The following RANBP2 variants were observed in gnomAD, a reference collection of about 807,000 sequenced individuals.
RANBP2 encodes RAN binding protein 2, also known as E3 SUMO-protein ligase RanBP2.
A neutral mutation model predicts 303.6 loss-of-function variants in RANBP2; 57 were observed. The observed-to-expected ratio is 0.19, with a 90% CI of 0.15 to 0.23. RANBP2 has a LOEUF of 0.23. RANBP2 is among the 10% of genes least tolerant of loss of function. The probability of loss-of-function intolerance (pLI) is 1.00; values close to 1 mark genes in which losing one functional copy is unlikely to be tolerated. For missense variants in RANBP2, 3,138 were observed against 3,780.8 expected (o/e 0.83, Z 4.46); for synonymous variants, 1,167 against 1,301.5 (o/e 0.90, Z 2.23).
At chr2:108,756,130 G>A (rs1676299891) in intron 17 of RANBP2, among the ~76,000 whole-genome samples, 1 of 152,118 alleles carries the variant, frequency 6.6e-6, no homozygotes, top group South Asian at 2.1e-4. Flanking sequence ...AAGAGTTCGT[G>A]GCACAGAGAA....
At chr2:109,030,622 C>T in the RANBP2 span, among the ~76,000 whole-genome samples, 1 of 152,168 alleles carries the variant, frequency 6.6e-6, no homozygotes, top group Non-Finnish European at 1.5e-5. Flanking sequence ...GCAGAAGGCT[C>T]CTTCTAGAAT....
chr2:109,024,281 A>G, the RANBP2 span, among the ~76,000 whole-genome samples: 1 of 152,220 alleles, frequency 6.6e-6, no homozygotes, highest in African/African-American at 2.4e-5. Context: ...GATAAGCTAG[A>G]TGTTATCATG....
the RANBP2 span, among the ~76,000 whole-genome samples, chr2:108,830,404 A>G: frequency 1.3e-5 from 2 of 152,250 alleles, no homozygotes; most frequent in Admixed American, 6.5e-5. Context: ...ATATTTTACC[A>G]TAATAAAGAT....
At chr2:108,924,588 C>T in the RANBP2 span, among the ~76,000 whole-genome samples, 8 of 152,290 alleles carry the variant, frequency 5.3e-5, no homozygotes, top group East Asian at 7.7e-4. Context: ...CCCCTGCTGA[C>T]GGTAGTGCTA....
At chr2:109,356,993 G>T in the RANBP2 span, among the ~76,000 whole-genome samples, 3 of 152,122 alleles carry the variant, frequency 2.0e-5, no homozygotes, top group Non-Finnish European at 4.4e-5. Flanking sequence ...AGACATGCTA[G>T]CACTGAATGC....
the RANBP2 span, among the ~76,000 whole-genome samples, chr2:109,094,202 C>T: frequency 6.6e-6 from 1 of 152,106 alleles, no homozygotes; most frequent in Non-Finnish European, 1.5e-5. Flanking sequence ...ATGAGACTAT[C>T]ATGGGGGATG....
chr2:108,781,025 A>T (rs772149106), intron 25 of RANBP2, among the ~76,000 whole-genome samples: 1 of 151,808 alleles, frequency 6.6e-6, no homozygotes, highest in Non-Finnish European at 1.5e-5. Context: ...TTGTATTATT[A>T]GTAGAGATGG....
the RANBP2 span, among the ~76,000 whole-genome samples, chr2:108,981,891 C>T: frequency 5.7e-4 from 87 of 152,180 alleles, 8 homozygotes; most frequent in Non-Finnish European, 4.4e-5. Flanking sequence ...AAGACGGAAA[C>T]GCTAAGGAAG....
chr2:108,906,576 G>A, the RANBP2 span, among the ~76,000 whole-genome samples: 1 of 152,200 alleles, frequency 6.6e-6, no homozygotes, highest in Middle Eastern at 3.2e-3. Context: ...GGTCTACCAC[G>A]GGTGCGTCTT....
the RANBP2 span, among the ~76,000 whole-genome samples, chr2:109,123,315 TTTCTTTCC>T: frequency 1.5e-3 from 216 of 140,524 alleles, no homozygotes; most frequent in Admixed American, 4.4e-3. Flanking sequence ...GTGGCTTTTC[TTTCTTTCC>T]TTCCTTCCTT....
At chr2:109,329,293 C>T in the RANBP2 span, among the ~76,000 whole-genome samples, 146 of 152,252 alleles carry the variant, frequency 9.6e-4, 1 homozygote, top group African/African-American at 3.3e-3. Context: ...GAGAAACATC[C>T]TGGAGATGTG....
At chr2:108,997,440 C>CAA in the RANBP2 span, among the ~76,000 whole-genome samples, 41 of 49,940 alleles carry the variant, frequency 8.2e-4, 10 homozygotes, top group African/African-American at 2.4e-3. Flanking sequence ...GACTCTGTCT[C>CAA]AAAAAAAAAA....
chr2:109,510,283 T>G, the RANBP2 span, among the ~76,000 whole-genome samples: 3 of 152,092 alleles, frequency 2.0e-5, no homozygotes, highest in African/African-American at 4.8e-5. Context: ...AAGGGGTGTT[T>G]AGATGCAAAC....
the RANBP2 span, among the ~76,000 whole-genome samples, chr2:109,079,121 A>AT: frequency 6.6e-6 from 1 of 151,852 alleles, no homozygotes; most frequent in Non-Finnish European, 1.5e-5. Flanking sequence ...TTATATGGGG[A>AT]TTTTCTTCTG....
chr2:109,339,815 A>C, the RANBP2 span, among the ~76,000 whole-genome samples: 1 of 152,122 alleles, frequency 6.6e-6, no homozygotes, highest in Admixed American at 6.5e-5. Flanking sequence ...GATAAATGTA[A>C]ACAGATCTGG....
At chr2:109,452,870 GGTGCCAGGAGGCTGGTCCCA>G in the RANBP2 span, among the ~76,000 whole-genome samples, 1 of 148,544 alleles carries the variant, frequency 6.7e-6, no homozygotes, top group African/African-American at 2.5e-5. Context: ...CCGGGAGGCT[GGTGCCAGGAGGCTGGTCCCA>G]GGAGGCTGGT....
At chr2:109,273,068 A>G in the RANBP2 span, among the ~76,000 whole-genome samples, 43 of 152,334 alleles carry the variant, frequency 2.8e-4, no homozygotes, top group African/African-American at 1.0e-3. Flanking sequence ...GTCAAATAGA[A>G]GTTGTTTACT....
the RANBP2 span, among the ~76,000 whole-genome samples, chr2:109,501,227 T>TCATCTTCAA: frequency 6.6e-6 from 1 of 152,078 alleles, no homozygotes; most frequent in Non-Finnish European, 1.5e-5. Flanking sequence ...GGGCTGTGCT[T>TCATCTTCAA]GGGTGGAGAA....
At chr2:109,439,540 C>T in the RANBP2 span, among the ~76,000 whole-genome samples, 2 of 152,174 alleles carry the variant, frequency 1.3e-5, no homozygotes, top group Middle Eastern at 3.2e-3. Context: ...GTTCTCATCT[C>T]GAGCCAAAGT....
Sources: gnomAD v4.1 joint callset for allele counts (sites outside exome capture counted in the v4.1 genomes callset) on GRCh38, gnomAD v4.1.1 for gene constraint, MANE v1.5 for transcripts, NCBI Gene and HGNC (gene_info 2026-07-23, HGNC 2026-07-21) for gene names.